UTRN: variants seen among roughly 807,000 people sequenced by gnomAD.
UTRN encodes dystrophin-related protein 1.
UTRN carries 283 observed loss-of-function variants against 463.9 expected under a neutral mutation model. That is an observed-to-expected ratio of 0.61 (90% confidence interval 0.55 to 0.67). The LOEUF (loss-of-function observed/expected upper bound fraction) is 0.67, where lower values mean the gene tolerates loss of function less well. Among genes scored for constraint, UTRN ranks in the 30% least tolerant of loss-of-function variants. The pLI, the probability that UTRN is intolerant of heterozygous loss-of-function variation, is 0.00. For synonymous variants in UTRN, 1,442 were observed against 1,431.5 expected, an observed-to-expected ratio of 1.01 and a Z score of -0.17; for missense variants, 3,922 against 4,084.3, an observed-to-expected ratio of 0.96 and a Z score of 1.08.
At chr6:144,765,352 A>G (rs1173211397) in intron 58 of UTRN, among the ~76,000 whole-genome samples, 1 of 152,116 alleles carries the variant, frequency 6.6e-6, no homozygotes. Flanking sequence ...ATGGTAGCCT[A>G]TTTCTATATA....
chr6:144,328,718 GT>G (rs1481504727), intron 2 of UTRN, among the ~76,000 whole-genome samples: 1 of 152,018 alleles, frequency 6.6e-6, no homozygotes, highest in Non-Finnish European at 1.5e-5. Context: ...ATAGATCAGG[GT>G]TTTTATTCTT....
At chr6:144,759,265 G>A (rs1451270630) in intron 58 of UTRN, among the ~76,000 whole-genome samples, 1 of 152,042 alleles carries the variant, frequency 6.6e-6, no homozygotes, top group Non-Finnish European at 1.5e-5. Flanking sequence ...ATGGAAAGAG[G>A]TCAGACGCTG....
At chr6:144,427,508 C>A (rs1340189952) in intron 7 of UTRN, among the ~76,000 whole-genome samples, 1 of 152,018 alleles carries the variant, frequency 6.6e-6, no homozygotes, top group African/African-American at 2.4e-5. Flanking sequence ...CCTTTTATTT[C>A]TTCTGTTTTC....
intron 69 of UTRN, among the ~76,000 whole-genome samples, chr6:144,834,605 G>A (rs1340362709): frequency 6.6e-6 from 1 of 152,120 alleles, no homozygotes; most frequent in Non-Finnish European, 1.5e-5. Flanking sequence ...AGTACCAGAG[G>A]TCTTCCCCAG....
intron 10 of UTRN, among the ~76,000 whole-genome samples, chr6:144,437,033 A>G (rs537712250): frequency 6.6e-6 from 1 of 151,258 alleles, no homozygotes; most frequent in Non-Finnish European, 1.5e-5. Flanking sequence ...GCTCACTGCA[A>G]CTTCTACCTC....
At chr6:144,303,718 T>C (rs1307540056) in intron 2 of UTRN, among the ~76,000 whole-genome samples, 1 of 152,248 alleles carries the variant, frequency 6.6e-6, no homozygotes, top group African/African-American at 2.4e-5. Context: ...CAGTATACTA[T>C]TAACAGTTCT....
intron 2 of UTRN, among the ~76,000 whole-genome samples, chr6:144,377,124 A>G (rs907514946): frequency 1.3e-5 from 2 of 151,990 alleles, no homozygotes; most frequent in African/African-American, 2.4e-5. Flanking sequence ...TGCAACCTCT[A>G]CCTTCTGGGT....
At chr6:144,701,383 T>G (rs1784579521) in intron 53 of UTRN, among the ~76,000 whole-genome samples, 1 of 152,196 alleles carries the variant, frequency 6.6e-6, no homozygotes, top group Middle Eastern at 3.2e-3. Flanking sequence ...TGTGTTTTAC[T>G]TTTCTGAGCC....
Position 144,771,949 on chromosome 6 carries a change from C to T in UTRN, c.8538C>T (p.Thr2846=), listed in dbSNP as rs769958667. The change falls in exon 59 of 75, where the codon ACC becomes ACT. Residue 2846 remains threonine, a synonymous_variant. Transcript: ENST00000367545. Reference sequence around the variant, plus strand: ...CCTGTTGGGACCATCCTAAAATGACCGAACTCTTTCAATCCCTTGGTAAGT... The same window carrying T: ...CCTGTTGGGACCATCCTAAAATGACTGAACTCTTTCAATCCCTTGGTAAGT... ...QTTCWDHPKM[T]ELFQSLADLN... The T allele has an allele frequency of 1.1e-5, 17 of 1,579,096 alleles. No individual in the cohort carries two copies. Among genetic ancestry groups the T allele is most frequent in the Middle Eastern group, 1.7e-4 (1 of 5,892 alleles).
At chr6:144,339,244 T>C (rs962555235) in intron 2 of UTRN, among the ~76,000 whole-genome samples, 8 of 152,190 alleles carry the variant, frequency 5.3e-5, no homozygotes, top group Non-Finnish European at 1.2e-4. Context: ...CAAAAGTTAA[T>C]GATGACACTG....
At chr6:144,449,265 A>C (rs888778097) in intron 17 of UTRN, among the ~76,000 whole-genome samples, 2 of 152,164 alleles carry the variant, frequency 1.3e-5, no homozygotes, top group Admixed American at 6.6e-5. Context: ...CTTAAAATGG[A>C]CTACCCCAAT....
intron 51 of UTRN, among the ~76,000 whole-genome samples, chr6:144,601,308 G>C (rs1458182599): frequency 1.3e-5 from 2 of 152,192 alleles, no homozygotes; most frequent in Admixed American, 1.3e-4. Flanking sequence ...AAGTTGAAAA[G>C]CTTCTGGAAA....
Position 144,645,850 on chromosome 6 carries a change from G to A in UTRN, c.7480-32556G>A, listed in dbSNP as rs374358407. ...AGAGCAGAGTTGGCTGCTTGTAATG[G>A]GAGTGGGGGAGAAAGCAACTCTTTA... On this transcript the variant is annotated intron_variant, in intron 51 of 74. Transcript: ENST00000367545. Among the ~76,000 whole-genome samples, 4 of 152,252 alleles carry A rather than the reference G, an allele frequency of 2.6e-5. No individual in the cohort carries two copies. In the East Asian group the frequency reaches 5.8e-4, roughly 22 times the overall value.
chr6:144,379,525 G>A (rs1485422209), intron 2 of UTRN, among the ~76,000 whole-genome samples: 2 of 152,188 alleles, frequency 1.3e-5, no homozygotes, highest in African/African-American at 4.8e-5. Context: ...GTGTCTTCAT[G>A]ACATGGCTGT....
At chr6:144,832,196 G>A (rs975254784) in intron 69 of UTRN, among the ~76,000 whole-genome samples, 1 of 152,128 alleles carries the variant, frequency 6.6e-6, no homozygotes, top group African/African-American at 2.4e-5. Context: ...TTTACTATAT[G>A]TAATTAAGAA....
intron 2 of UTRN, among the ~76,000 whole-genome samples, chr6:144,337,112 AACACACACAG>A (rs1436709336): frequency 1.3e-5 from 2 of 151,530 alleles, no homozygotes; most frequent in African/African-American, 2.4e-5. Context: ...TGCCACACAC[AACACACACAG>A]ACACACACAC....
At chr6:144,478,257 A>G (rs1791460340) in intron 25 of UTRN, among the ~76,000 whole-genome samples, 1 of 152,202 alleles carries the variant, frequency 6.6e-6, no homozygotes, top group Non-Finnish European at 1.5e-5. Flanking sequence ...TTCTCAGGAT[A>G]ATTAAAGATA....
chr6:144,585,202 A>G (rs1473096432), intron 51 of UTRN, among the ~76,000 whole-genome samples: 2 of 152,168 alleles, frequency 1.3e-5, no homozygotes, highest in East Asian at 3.8e-4. Context: ...TACCATCAGA[A>G]GTGCTTTTTG....
At chr6:144,378,261 G>T (rs577580747) in intron 2 of UTRN, among the ~76,000 whole-genome samples, 1 of 152,292 alleles carries the variant, frequency 6.6e-6, no homozygotes, top group South Asian at 2.1e-4. Flanking sequence ...GGTCTAGATT[G>T]AATACACTCT....
Sources: gnomAD v4.1 joint callset for allele counts (sites outside exome capture counted in the v4.1 genomes callset) on GRCh38, gnomAD v4.1.1 for gene constraint, MANE v1.5 for transcripts, NCBI Gene and HGNC (gene_info 2026-07-23, HGNC 2026-07-21) for gene names.